SUMF1: variants seen among roughly 807,000 people sequenced by gnomAD.
The protein encoded by SUMF1 is formylglycine-generating enzyme.
In SUMF1, 48 loss-of-function variants were observed where a neutral mutation model predicts 47.6. The observed-to-expected ratio is 1.01, with a 90% CI of 0.80 to 1.28. SUMF1 has a LOEUF of 1.28. Ranked by LOEUF, SUMF1 falls within the 50% of genes most tolerant of loss-of-function variation. The probability of loss-of-function intolerance (pLI) is 0.00; values close to 1 mark genes in which losing one functional copy is unlikely to be tolerated. For missense variants in SUMF1, 571 were observed against 485.4 expected (o/e 1.18, Z -1.66); for synonymous variants, 230 against 192.1 (o/e 1.20, Z -1.63).
At chr3:4,360,053 A>G (rs1054574691), downstream of SUMF1, among the ~76,000 whole-genome samples, 3 of 152,218 alleles carry the variant, frequency 2.0e-5, no homozygotes, top group Non-Finnish European at 4.4e-5. Context: ...TAACAAGACA[A>G]GAATTCAAAA....
chr3:4,316,841 C>G (rs765548354), intron 8 of SUMF1: 1 of 1,550,136 alleles, frequency 6.5e-7, no homozygotes, highest in Non-Finnish European at 8.7e-7. Context: ...TTCTGAATCC[C>G]GGTGAAACCA....
chr3:4,425,091 T>C lies in SUMF1; in HGVS notation c.520-4945A>G, dbSNP rs79603893. On this transcript the variant is annotated intron_variant, in intron 3 of 8. Coordinates refer to ENST00000272902, the MANE Select transcript of SUMF1 (RefSeq NM_182760.4). Reference sequence around the variant, plus strand: ...TCTGAGGAGAGCAAATTATCTACTGTATTATGATAATTAGGGAAAAAAAGA... The same window carrying C: ...TCTGAGGAGAGCAAATTATCTACTGCATTATGATAATTAGGGAAAAAAAGA... Among the ~76,000 whole-genome samples, 683 of 152,320 alleles carry C rather than the reference T, an allele frequency of 4.5e-3. 12 individuals carry two copies. Among genetic ancestry groups the C allele is most frequent in the African/African-American group, 0.015 (634 of 41,562 alleles).
chr3:4,158,253 T>C (rs1694498414), intron 8 of SUMF1, among the ~76,000 whole-genome samples: 1 of 151,734 alleles, frequency 6.6e-6, no homozygotes, highest in African/African-American at 2.4e-5. Flanking sequence ...TTGTATAGTT[T>C]CCAAAGTTCC....
chr3:4,165,647 G>A (rs1474600597), intron 8 of SUMF1, among the ~76,000 whole-genome samples: 2 of 152,044 alleles, frequency 1.3e-5, no homozygotes, highest in African/African-American at 2.4e-5. Flanking sequence ...GGATAGTATT[G>A]TAATTTATAC....
chr3:4,067,896 G>C (rs574917968), intron 9 of SUMF1, among the ~76,000 whole-genome samples: 1 of 152,230 alleles, frequency 6.6e-6, no homozygotes, highest in South Asian at 2.1e-4. Flanking sequence ...TGTAACCAGA[G>C]GGCAAAGATA....
At chr3:4,170,643 G>A (rs969333124) in intron 8 of SUMF1, among the ~76,000 whole-genome samples, 8 of 152,136 alleles carry the variant, frequency 5.3e-5, no homozygotes, top group African/African-American at 1.7e-4. Context: ...ACAATAGATC[G>A]ATGAAACAGA....
chr3:4,077,489 A>T (rs1692465144), intron 8 of SUMF1, among the ~76,000 whole-genome samples: 1 of 152,148 alleles, frequency 6.6e-6, no homozygotes, highest in Non-Finnish European at 1.5e-5. Context: ...AAAAAGAACA[A>T]GTTCATGTCC....
At chr3:4,445,886 C>T (rs1236444213) in intron 3 of SUMF1, among the ~76,000 whole-genome samples, 2 of 152,254 alleles carry the variant, frequency 1.3e-5, no homozygotes, top group East Asian at 1.9e-4. Context: ...GTGAAAGGTA[C>T]ACCAGATCTC....
chr3:4,301,851 C>T (rs1575064981), intron 8 of SUMF1, among the ~76,000 whole-genome samples: 1 of 152,282 alleles, frequency 6.6e-6, no homozygotes, highest in East Asian at 1.9e-4. Context: ...TGAGGAGAAA[C>T]GTCTGATCTG....
chr3:4,215,378 A>G lies in SUMF1; in HGVS notation c.1015-146633T>C, dbSNP rs142044599. ...ATGCTAAAAACTAAATTAACTAGGT[A>G]TTGGTGGGATGCATCGCAAAATAAT... On this transcript the variant is annotated intron_variant and NMD_transcript_variant, in intron 8 of 12. Coordinates refer to the SUMF1 transcript ENST00000448413. Among the ~76,000 whole-genome samples the G allele has an allele frequency of 6.6e-4, 100 of 152,338 alleles. 3 individuals are homozygous for G. The highest frequency in any genetic ancestry group is 2.4e-3 in the African/African-American group (99 of 41,582).
At chr3:4,216,112 G>T (rs1695918181) in intron 8 of SUMF1, among the ~76,000 whole-genome samples, 1 of 152,140 alleles carries the variant, frequency 6.6e-6, no homozygotes. Context: ...AACAAAGCTG[G>T]AGGCATCATG....
chr3:4,421,295 G>C (rs1170302681), intron 3 of SUMF1, among the ~76,000 whole-genome samples: 2 of 152,050 alleles, frequency 1.3e-5, no homozygotes, highest in East Asian at 1.9e-4. Context: ...CTATATCTTG[G>C]GTTATTACAA....
intron 8 of SUMF1, among the ~76,000 whole-genome samples, chr3:4,255,792 C>T (rs1227691031): frequency 5.7e-5 from 6 of 105,564 alleles, no homozygotes; most frequent in African/African-American, 2.6e-4. Context: ...AACTCTCCAC[C>T]CCAAATCAAC....
intron 8 of SUMF1, among the ~76,000 whole-genome samples, chr3:4,299,742 G>A (rs1011780059): frequency 1.3e-5 from 2 of 152,148 alleles, no homozygotes; most frequent in African/African-American, 2.4e-5. Context: ...CCCAAGAGGT[G>A]GAGGTTGCAG....
intron 7 of SUMF1, among the ~76,000 whole-genome samples, chr3:4,398,794 ATTATCT>A (rs1271562351): frequency 1.3e-5 from 2 of 152,216 alleles, no homozygotes; most frequent in African/African-American, 4.8e-5. Context: ...CATCTCTTAA[ATTATCT>A]TTATATTTAT....
chr3:4,222,109 T>C (rs1327547440), intron 8 of SUMF1, among the ~76,000 whole-genome samples: 3 of 152,242 alleles, frequency 2.0e-5, no homozygotes, highest in South Asian at 2.1e-4. Flanking sequence ...GATTATATAA[T>C]ACAGTAAAAA....
intron 8 of SUMF1, among the ~76,000 whole-genome samples, chr3:4,175,518 C>G (rs1694939153): frequency 6.6e-6 from 1 of 152,090 alleles, no homozygotes; most frequent in Non-Finnish European, 1.5e-5. Flanking sequence ...TCATCTACAC[C>G]AAAACCCCAT....
At chr3:4,072,551 G>C (rs775622822) in intron 8 of SUMF1, among the ~76,000 whole-genome samples, 4 of 152,132 alleles carry the variant, frequency 2.6e-5, no homozygotes, top group African/African-American at 9.7e-5. Flanking sequence ...AAAGGAGCAT[G>C]TTCTAAACCA....
intron 9 of SUMF1, among the ~76,000 whole-genome samples, chr3:4,047,834 A>G (rs1365203367): frequency 1.3e-5 from 2 of 152,186 alleles, no homozygotes; most frequent in African/African-American, 2.4e-5. Flanking sequence ...TTCTCTGCTT[A>G]TAAGAGTAAA....
Sources: gnomAD v4.1 joint callset for allele counts (sites outside exome capture counted in the v4.1 genomes callset) on GRCh38, gnomAD v4.1.1 for gene constraint, MANE v1.5 for transcripts, NCBI Gene and HGNC (gene_info 2026-07-23, HGNC 2026-07-21) for gene names.